HUNK: variants seen among roughly 807,000 people sequenced by gnomAD.
The protein encoded by HUNK is hormonally up-regulated neu tumor-associated kinase.
In HUNK, 21 loss-of-function variants were observed where a neutral mutation model predicts 61.0. The observed-to-expected ratio is 0.34, with a 90% confidence interval of 0.24 to 0.50. The LOEUF is 0.50. HUNK is among the 20% of genes least tolerant of loss of function. HUNK has a pLI of 0.98. For synonymous variants in HUNK, 371 were observed against 386.1 expected (o/e 0.96, Z 0.46); for missense variants, 772 against 945.7 (o/e 0.82, Z 2.41).
At chr21:31,935,048 C>G (rs534901123) in intron 2 of HUNK, among the ~76,000 whole-genome samples, 2 of 152,102 alleles carry the variant, frequency 1.3e-5, no homozygotes, top group South Asian at 4.2e-4. Context: ...CATTTGTGTC[C>G]TCTTTGATCA....
intron 1 of HUNK, among the ~76,000 whole-genome samples, chr21:31,882,040 C>T (rs191494030): frequency 2.6e-5 from 4 of 152,158 alleles, no homozygotes; most frequent in East Asian, 1.9e-4. Context: ...ACTTCAGAGA[C>T]GGTGGCACTT....
At position 31,943,079 on chromosome 21, in the gene HUNK, G is replaced by A. The variant is rs1232431244; in HGVS notation, c.610+2859G>A. Among the ~76,000 whole-genome samples the A allele has an allele frequency of 2.6e-5, 4 of 152,002 alleles. No homozygotes were observed. The East Asian group carries it at 7.7e-4, about 29-fold the overall frequency. On this transcript the variant is annotated intron_variant, in intron 3 of 10. Transcript: ENST00000270112. Reference sequence around the variant, plus strand: ...TCTTTGAACCTTCTTTTCTTCAAAGGCATTACCTACTTTTTTTTTTCAAAG... The same window carrying A: ...TCTTTGAACCTTCTTTTCTTCAAAGACATTACCTACTTTTTTTTTTCAAAG...
intron 1 of HUNK, among the ~76,000 whole-genome samples, chr21:31,909,277 T>C (rs909414512): frequency 1.3e-5 from 2 of 152,192 alleles, no homozygotes; most frequent in African/African-American, 2.4e-5. Context: ...TGCATTCCTC[T>C]CTTGCAGGAA....
At chr21:31,973,572 ATGG>A (rs1009984740) in intron 6 of HUNK, among the ~76,000 whole-genome samples, 1 of 140,330 alleles carries the variant, frequency 7.1e-6, no homozygotes, top group African/African-American at 2.6e-5. Flanking sequence ...GATGATGGTG[ATGG>A]TGGTGGTGAT....
intron 4 of HUNK, among the ~76,000 whole-genome samples, chr21:31,952,665 A>G (rs762196835): frequency 3.3e-5 from 5 of 151,978 alleles, no homozygotes; most frequent in Non-Finnish European, 7.4e-5. Context: ...CTTAACTCCA[A>G]GCTTTCCCGT....
At chr21:31,970,507 A>G (rs1488523239) in intron 6 of HUNK, among the ~76,000 whole-genome samples, 2 of 152,202 alleles carry the variant, frequency 1.3e-5, no homozygotes, top group African/African-American at 2.4e-5. Context: ...AAAGCGAGGC[A>G]GGGAGCAAAG....
chr21:31,882,768 AT>A (rs2052318003), intron 1 of HUNK, among the ~76,000 whole-genome samples: 2 of 152,154 alleles, frequency 1.3e-5, no homozygotes, highest in Admixed American at 1.3e-4. Context: ...CTATCTATGT[AT>A]GTTTGTACCC....
At chr21:31,955,133 T>C (rs1420708708) in intron 4 of HUNK, among the ~76,000 whole-genome samples, 1 of 152,114 alleles carries the variant, frequency 6.6e-6, no homozygotes, top group Non-Finnish European at 1.5e-5. Flanking sequence ...ATGCCACTGG[T>C]CTGAGGACGA....
At chr21:31,874,630 C>A (rs983421290) in intron 1 of HUNK, among the ~76,000 whole-genome samples, 1 of 142,594 alleles carries the variant, frequency 7.0e-6, no homozygotes, top group Non-Finnish European at 1.5e-5. Context: ...CCATTCTCAT[C>A]CCCTTCTCTC....
chr21:31,971,404 G>C (rs906920749), intron 6 of HUNK, among the ~76,000 whole-genome samples: 1 of 151,972 alleles, frequency 6.6e-6, no homozygotes, highest in African/African-American at 2.4e-5. Context: ...TGTTGGGGGA[G>C]GTACATGTTA....
At chr21:31,996,670 C>T (rs372577795) in intron 10 of HUNK, among the ~76,000 whole-genome samples, 2 of 152,142 alleles carry the variant, frequency 1.3e-5, no homozygotes, top group East Asian at 3.9e-4. Context: ...AGGAGAGGTT[C>T]TTATTACTGA....
chr21:31,939,409 T>G (rs2052753814), intron 2 of HUNK, among the ~76,000 whole-genome samples: 1 of 139,784 alleles, frequency 7.2e-6, no homozygotes, highest in Non-Finnish European at 1.5e-5. Context: ...GTTTTTTTTT[T>G]TTTTTTTTTT....
At chr21:31,983,443 G>A (rs1209048320) in intron 7 of HUNK, 83 bp from the exon 8 acceptor site, 6 of 1,082,164 alleles carry the variant, frequency 5.5e-6, no homozygotes, top group East Asian at 2.4e-5. Context: ...TCAGCCAAGC[G>A]CTGGTTTAAA....
At chr21:31,946,276 C>T (rs1313082246) in intron 4 of HUNK, 105 bp downstream of exon 4, 3 of 1,123,974 alleles carry the variant, frequency 2.7e-6, no homozygotes, top group Non-Finnish European at 2.5e-6. Flanking sequence ...AGGTGACAGG[C>T]CCAGGAGTAT....
intron 9 of HUNK, 94 bp downstream of exon 9, chr21:31,990,270 T>G: frequency 8.3e-7 from 1 of 1,208,458 alleles, no homozygotes; most frequent in Non-Finnish European, 1.2e-6. Flanking sequence ...GACTGAGATT[T>G]ATTTTAAGGA....
intron 3 of HUNK, 81 bp downstream of exon 3, chr21:31,940,301 GTCTATC>G: frequency 1.2e-6 from 1 of 815,886 alleles, no homozygotes; most frequent in South Asian, 1.6e-5. Flanking sequence ...ATTATCCATG[GTCTATC>G]TCTAATACCC....
At chr21:31,912,645 C>T (rs991053297) in intron 1 of HUNK, among the ~76,000 whole-genome samples, 3 of 152,032 alleles carry the variant, frequency 2.0e-5, no homozygotes, top group African/African-American at 7.2e-5. Flanking sequence ...AGGGTCAAGC[C>T]CTTTTCCCAC....
At chr21:31,947,358 C>CCGGTCT (rs2052814744) in intron 4 of HUNK, among the ~76,000 whole-genome samples, 12 of 146,048 alleles carry the variant, frequency 8.2e-5, no homozygotes, top group African/African-American at 2.6e-4. Context: ...TTCCCACATC[C>CCGGTCT]CAGTCTCAAG....
chr21:31,882,483 GCATAGAGA>G (rs1239063223), intron 1 of HUNK, among the ~76,000 whole-genome samples: 2 of 152,114 alleles, frequency 1.3e-5, no homozygotes, highest in African/African-American at 4.8e-5. Context: ...TACCCTATAT[GCATAGAGA>G]CCCACATACA....
Sources: allele counts gnomAD v4.1 joint callset (sites outside exome capture counted in the v4.1 genomes callset), GRCh38; gene constraint gnomAD v4.1.1; transcripts MANE v1.5; gene names NCBI Gene and HGNC (gene_info 2026-07-23, HGNC 2026-07-21).